TSC22D1: variants seen among roughly 807,000 people sequenced by gnomAD.
TSC22D1 encodes the protein TSC22 domain family member 1, also known as TSC22 domain family protein 1.
TSC22D1 carries 9 observed loss-of-function variants against 74.2 expected under a neutral mutation model. That is an observed-to-expected ratio of 0.12 (90% CI 0.07 to 0.21). The LOEUF (loss-of-function observed/expected upper bound fraction) is 0.21. Among genes scored for constraint, TSC22D1 ranks in the 10% least tolerant of loss-of-function variants. The probability of loss-of-function intolerance (pLI) is 1.00; values close to 1 mark genes in which losing one functional copy is unlikely to be tolerated. For synonymous variants in TSC22D1, 586 were observed against 492.5 expected (o/e 1.19, Z -2.51); for missense variants, 1,427 against 1,304.7 (o/e 1.09, Z -1.44).
chr13:44,466,629 G>A (rs970968960), intron 1 of TSC22D1, among the ~76,000 whole-genome samples: 1 of 151,834 alleles, frequency 6.6e-6, no homozygotes, highest in African/African-American at 2.4e-5. Flanking sequence ...AATCAACCTG[G>A]TGTTGTGATG....
At chr13:44,459,449 C>T (rs765899862) in intron 1 of TSC22D1, among the ~76,000 whole-genome samples, 15 of 152,218 alleles carry the variant, frequency 9.9e-5, no homozygotes, top group Non-Finnish European at 2.1e-4. Context: ...GAGAGCTGTT[C>T]TGTCACTCAA....
At chr13:44,509,295 T>C (rs1268340590) in intron 1 of TSC22D1, among the ~76,000 whole-genome samples, 2 of 152,214 alleles carry the variant, frequency 1.3e-5, no homozygotes, top group African/African-American at 4.8e-5. Context: ...ACGCTGGTGA[T>C]GGTTGCACAA....
At position 44,575,411 on chromosome 13, in the gene TSC22D1, G is replaced by A. The variant is rs765248846; in HGVS notation, c.664C>T (p.His222Tyr). Residue 222 changes from histidine (H) to tyrosine (Y), a missense_variant, in exon 1 of 3, where the codon CAC (histidine) becomes TAC (tyrosine). Physicochemically the swap from His to Tyr is moderately conservative, Grantham distance 83 (BLOSUM62 2). This residue lies in a region of TSC22D1 where 1,343 missense variants were observed against 1,191.5 expected (regional missense o/e 1.13). Coordinates refer to ENST00000458659, the MANE Select transcript of TSC22D1 (RefSeq NM_183422.4). ...NGNAHPHHLH[H>Y]HHQIHHGHHL... ...TGCCCATGATGAATCTGATGGTGGT[G>A]ATGGAGGTGGTGTGGATGAGCATTC... is the stretch of plus-strand genomic sequence containing the variant. 3.7e-6 allele frequency: 6 copies of A among 1,613,986 alleles called. No individual in the cohort carries two copies. Among genetic ancestry groups the A allele is most frequent in the Admixed American group, 1.7e-5 (1 of 59,962 alleles).
intron 1 of TSC22D1, among the ~76,000 whole-genome samples, chr13:44,556,095 A>C (rs368371794): frequency 6.6e-6 from 1 of 152,160 alleles, no homozygotes; most frequent in East Asian, 1.9e-4. Flanking sequence ...TAAAGCTACT[A>C]TATCTTTTAA....
At chr13:44,489,471 T>A (rs1486782897) in intron 1 of TSC22D1, among the ~76,000 whole-genome samples, 2 of 151,942 alleles carry the variant, frequency 1.3e-5, no homozygotes, top group African/African-American at 4.8e-5. Flanking sequence ...GAGCTCATTT[T>A]ATAAATATTA....
At position 44,510,954 on chromosome 13, in the gene TSC22D1, GA is replaced by G. The variant is rs931141833; in HGVS notation, c.2912+62208del. ...TTCTGAAGAACTCGTGGTAATTTGT[GA>G]AAAAATTATGAAAAATTGTATATAC... On this transcript the variant is annotated intron_variant, in intron 1 of 2. Coordinates refer to ENST00000458659, the MANE Select transcript of TSC22D1 (RefSeq NM_183422.4). Among the ~76,000 whole-genome samples the G allele has an allele frequency of 7.9e-5, 12 of 152,204 alleles. No individual in the cohort carries two copies. The South Asian group carries it at 2.3e-3, about 29-fold the overall frequency.
intron 1 of TSC22D1, among the ~76,000 whole-genome samples, chr13:44,541,760 A>C (rs1881483376): frequency 6.6e-6 from 1 of 152,160 alleles, no homozygotes; most frequent in Admixed American, 6.5e-5. Context: ...AGTAGTTTCA[A>C]GAGTCTAAAA....
chr13:44,443,295 A>T (rs1366785784), intron 1 of TSC22D1, among the ~76,000 whole-genome samples: 2 of 148,686 alleles, frequency 1.3e-5, no homozygotes, highest in South Asian at 2.1e-4. Flanking sequence ...GTGCAGCAAC[A>T]TCTTTAACTG....
In TSC22D1 at chr13:44,532,513, G is replaced by A. The variant is rs985091715; in HGVS notation, c.2912+40650C>T. 3.9e-5 allele frequency among the ~76,000 whole-genome samples: 6 copies of A among 152,010 alleles called. No homozygotes were observed. The East Asian group carries it at 9.7e-4, about 25-fold the overall frequency. On this transcript the variant is annotated intron_variant, in intron 1 of 2. Transcript: ENST00000458659. ...TTTTGAGACGGAGTCTTGCTCTGTC[G>A]CCCAGGCTGGAGTGCAGTGGCACCA...
chr13:44,438,820 G>A (rs1471224530), intron 1 of TSC22D1, among the ~76,000 whole-genome samples: 1 of 152,012 alleles, frequency 6.6e-6, no homozygotes, highest in Non-Finnish European at 1.5e-5. Context: ...TTTACTACAT[G>A]ATAGTCTCTA....
chr13:44,434,051 CAT>C lies in TSC22D1; in HGVS notation c.*573_*574del. The C allele has an allele frequency of 4.6e-6, 7 of 1,532,046 alleles. No individual in the cohort carries two copies. Among genetic ancestry groups the C allele is most frequent in the Non-Finnish European group, 6.1e-6 (7 of 1,146,096 alleles). The allele number at this position is 1,532,046 out of a possible 1,614,324, so 94.9% of individuals were successfully genotyped here. Reference sequence around the variant, plus strand: ...CTACCTGTCACCATTTTGTCACTCTCATAGTTTTGTGTCATCCATTGTTTGAG... The same window carrying C: ...CTACCTGTCACCATTTTGTCACTCTCAGTTTTGTGTCATCCATTGTTTGAG... On this transcript the variant is annotated 3_prime_UTR_variant, in exon 3 of 3. Transcript: ENST00000458659.
chr13:44,451,867 C>T, intron 1 of TSC22D1, among the ~76,000 whole-genome samples: 1 of 152,194 alleles, frequency 6.6e-6, no homozygotes, highest in East Asian at 1.9e-4. Flanking sequence ...TCCCACCGAT[C>T]ACCAATAGGA....
rs146314812 is a variant in TSC22D1, at chr13:44,494,602, C to T, written c.2913-58507G>A. On this transcript the variant is annotated intron_variant, in intron 1 of 2. Coordinates refer to ENST00000458659, the MANE Select transcript of TSC22D1 (RefSeq NM_183422.4). ...AAGAAAGTCACCAAACAATTACAAC[C>T]CACACAAGCAACAAAAACAAACTCT... Among the ~76,000 whole-genome samples the T allele has an allele frequency of 4.0e-5, 6 of 151,656 alleles. No homozygotes were observed. In the East Asian group the frequency reaches 1.2e-3, roughly 29 times the overall value.
chr13:44,548,240 G>A (rs1355321677), intron 1 of TSC22D1, among the ~76,000 whole-genome samples: 2 of 152,094 alleles, frequency 1.3e-5, no homozygotes, highest in Admixed American at 1.3e-4. Context: ...ACTGGGGCTG[G>A]GCGCGGTGGC....
intron 1 of TSC22D1, chr13:44,436,802 C>CA (rs1874692174): frequency 7.1e-7 from 1 of 1,409,054 alleles, no homozygotes; most frequent in Admixed American, 2.9e-5. Flanking sequence ...ATGCGGATCC[C>CA]AGTGCCGTGA....
intron 1 of TSC22D1, 40 bp downstream of exon 1, chr13:44,573,116 TAACTTCA>T (rs748002595): frequency 6.3e-7 from 1 of 1,582,038 alleles, no homozygotes; most frequent in Non-Finnish European, 8.6e-7. Flanking sequence ...CTAAATAGAT[TAACTTCA>T]AATCTGTTGA....
intron 1 of TSC22D1, among the ~76,000 whole-genome samples, chr13:44,493,039 A>G (rs982019591): frequency 3.9e-5 from 6 of 152,204 alleles, no homozygotes; most frequent in African/African-American, 9.7e-5. Context: ...ACAGCAGAGT[A>G]CCAATGGCCC....
At chr13:44,461,643 G>T (rs1877001210) in intron 1 of TSC22D1, among the ~76,000 whole-genome samples, 1 of 152,170 alleles carries the variant, frequency 6.6e-6, no homozygotes, top group African/African-American at 2.4e-5. Context: ...CATCGTTATG[G>T]AAGGTGCCCA....
At chr13:44,510,695 G>A (rs1879674511) in intron 1 of TSC22D1, among the ~76,000 whole-genome samples, 1 of 151,858 alleles carries the variant, frequency 6.6e-6, no homozygotes, top group African/African-American at 2.4e-5. Context: ...CAGGTTCAAG[G>A]GATTCTCCTG....
Sources: allele counts gnomAD v4.1 joint callset (sites outside exome capture counted in the v4.1 genomes callset), GRCh38; gene constraint gnomAD v4.1.1; regional missense constraint gnomAD v4.1.1; transcripts MANE v1.5; gene names NCBI Gene and HGNC (gene_info 2026-07-23, HGNC 2026-07-21).